Variants in LRRC75A observed in about 807,000 individuals in gnomAD.
LRRC75A encodes leucine-rich repeat-containing protein 75A.
In LRRC75A, 12 loss-of-function variants were observed where a neutral mutation model predicts 26.0. That is an observed-to-expected ratio of 0.46 (90% CI 0.30 to 0.75). The LOEUF (loss-of-function observed/expected upper bound fraction) is 0.75. Ranked by LOEUF, LRRC75A falls within the 30% of genes least tolerant of loss-of-function variation. LRRC75A has a pLI of 0.08. For missense variants in LRRC75A, 410 were observed against 486.6 expected (o/e 0.84, Z 1.48); for synonymous variants, 223 against 219.3 (o/e 1.02, Z -0.15).
chr17:16,441,594 G>A lies in LRRC75A; in HGVS notation c.*1994C>T. Reference sequence around the variant, plus strand: ...TTTTTGGGTTTTTTTTTTTTTTTTTGAGACAGTCTTGCTGTATTGCCCAGG... The same window carrying A: ...TTTTTGGGTTTTTTTTTTTTTTTTTAAGACAGTCTTGCTGTATTGCCCAGG... On this transcript the variant is annotated 3_prime_UTR_variant, in exon 4 of 4. Transcript: ENST00000470794. The A allele has an allele frequency of 3.6e-6, 1 of 281,060 alleles. No individual in the cohort carries two copies. Among genetic ancestry groups the A allele is most frequent in the African/African-American group, 3.7e-5 (1 of 26,674 alleles). The allele number at this position is 281,060 out of a possible 1,614,324, so 17.4% of individuals were successfully genotyped here.
intron 1 of LRRC75A, among the ~76,000 whole-genome samples, chr17:16,473,129 C>CTGTG (rs10640541): frequency 2.9e-3 from 435 of 149,052 alleles, no homozygotes; most frequent in African/African-American, 9.7e-3. Context: ...TGTAAGTAGT[C>CTGTG]TGTGTGTGTG....
Position 16,442,036 on chromosome 17 carries a change from T to C in LRRC75A, c.*1552A>G, listed in dbSNP as rs2093531797. The stretch of plus-strand genomic sequence containing the variant: ...GGTGTCAATTCTTGAAAATGTGTAT[T>C]TGAAGAAAAAGTAAATTTCGCCTAC... On this transcript the variant is annotated 3_prime_UTR_variant, in exon 4 of 4. Coordinates refer to ENST00000470794, the MANE Select transcript of LRRC75A (RefSeq NM_001113567.3). 1 of 152,460 alleles carries C rather than the reference T, an allele frequency of 6.6e-6. No homozygotes were observed. The highest frequency in any genetic ancestry group is 6.5e-5 in the Admixed American group (1 of 15,310). 9.4% of individuals were successfully genotyped at this position (152,460 alleles called of 1,614,324 possible).
chr17:16,469,688 TCA>T (rs2093795932), intron 1 of LRRC75A, among the ~76,000 whole-genome samples: 2 of 152,208 alleles, frequency 1.3e-5, no homozygotes, highest in Non-Finnish European at 1.5e-5. Flanking sequence ...TCTCCAACAC[TCA>T]CAACAGTGAA....
chr17:16,487,132 A>G (rs1413867330), intron 1 of LRRC75A, among the ~76,000 whole-genome samples: 1 of 152,234 alleles, frequency 6.6e-6, no homozygotes, highest in Non-Finnish European at 1.5e-5. Context: ...TAAGAGCCAC[A>G]TGGATCTCTG....
At chr17:16,450,513 CTG>C (rs1243465611) in intron 2 of LRRC75A, among the ~76,000 whole-genome samples, 1 of 151,996 alleles carries the variant, frequency 6.6e-6, no homozygotes, top group Non-Finnish European at 1.5e-5. Flanking sequence ...TGTATCACAC[CTG>C]TGTGTTACAC....
At chr17:16,489,754 C>A (rs941907021) in intron 1 of LRRC75A, among the ~76,000 whole-genome samples, 3 of 152,230 alleles carry the variant, frequency 2.0e-5, no homozygotes, top group Admixed American at 6.5e-5. Flanking sequence ...TCCAGGCCCA[C>A]GGCCCTTGCA....
chr17:16,445,157 CA>C (rs1568945775), intron 3 of LRRC75A, among the ~76,000 whole-genome samples: 6 of 91,568 alleles, frequency 6.6e-5, no homozygotes, highest in Admixed American at 2.5e-4. Flanking sequence ...CCATTTTCTG[CA>C]TTTTTTTTTT....
chr17:16,466,084 T>C (rs1242934308), intron 1 of LRRC75A, among the ~76,000 whole-genome samples: 3 of 152,244 alleles, frequency 2.0e-5, no homozygotes. Flanking sequence ...AGGATGCTTG[T>C]GCTAACTGAG....
intron 1 of LRRC75A, among the ~76,000 whole-genome samples, chr17:16,476,770 G>A (rs1294428193): frequency 7.9e-5 from 9 of 113,578 alleles, no homozygotes; most frequent in African/African-American, 2.1e-4. Context: ...ACAGAGTCTT[G>A]CTCTATCACC....
chr17:16,447,527 A>C (rs573781661), intron 3 of LRRC75A, among the ~76,000 whole-genome samples: 3 of 152,194 alleles, frequency 2.0e-5, no homozygotes, highest in African/African-American at 7.2e-5. Context: ...CGAACTCCTG[A>C]CCTCAAGTGA....
Position 16,492,136 on chromosome 17 carries a change from G to T in LRRC75A, c.-146C>A. The stretch of plus-strand genomic sequence containing the variant: ...GCGCGCGGGCGTCGCGGGGGCGGGC[G>T]GGCGGGCGGCTGTCGGCGCTCCCCG... On this transcript the variant is annotated 5_prime_UTR_variant, in exon 1 of 4. Transcript: ENST00000470794. The T allele has an allele frequency of 1.5e-6, 1 of 651,466 alleles. No individual in the cohort carries two copies. The highest frequency in any genetic ancestry group is 1.9e-6 in the Non-Finnish European group (1 of 522,958). The allele number at this position is 651,466 out of a possible 1,614,324, so 40.4% of individuals were successfully genotyped here.
intron 3 of LRRC75A, chr17:16,447,075 CTT>C: frequency 4.3e-6 from 1 of 231,744 alleles, no homozygotes; most frequent in South Asian, 3.6e-5. Flanking sequence ...TTGGCAGAGT[CTT>C]TGTGAGGGCA....
chr17:16,455,965 C>A (rs1474049501), intron 2 of LRRC75A, among the ~76,000 whole-genome samples: 2 of 152,078 alleles, frequency 1.3e-5, no homozygotes, highest in Non-Finnish European at 2.9e-5. Context: ...TCAAAGAACC[C>A]CTCCAGGGCT....
chr17:16,481,567 C>A (rs1019898715), intron 1 of LRRC75A, among the ~76,000 whole-genome samples: 2 of 152,192 alleles, frequency 1.3e-5, no homozygotes, highest in African/African-American at 4.8e-5. Flanking sequence ...ATCTTCCACA[C>A]CTGGGCCCCG....
chr17:16,492,114 CGCGGGCGTCGCGGGG>C lies in LRRC75A; in HGVS notation c.-139_-125del, dbSNP rs1044720745. ...CTGCAACTTTGGGGGAACTGTTGCG[CGCGGGCGTCGCGGGG>C]GCGGGCGGGCGGGCGGCTGTCGGCG... On this transcript the variant is annotated 5_prime_UTR_variant, in exon 1 of 4. Transcript: ENST00000470794. 1.5e-4 allele frequency: 118 copies of C among 807,688 alleles called. No individual in the cohort carries two copies. Among genetic ancestry groups the C allele is most frequent in the Middle Eastern group, 6.0e-4 (1 of 1,662 alleles). The allele number at this position is 807,688 out of a possible 1,614,324, so 50.0% of individuals were successfully genotyped here. A position where few individuals can be genotyped will look rare whatever the true frequency, so the allele number is the denominator to read the frequency against.
intron 1 of LRRC75A, among the ~76,000 whole-genome samples, chr17:16,473,156 C>T (rs559272050): frequency 5.3e-4 from 79 of 150,312 alleles, no homozygotes; most frequent in African/African-American, 1.8e-3. Flanking sequence ...TGTGTGCGCG[C>T]GCGCCCCAAG....
intron 1 of LRRC75A, among the ~76,000 whole-genome samples, chr17:16,473,138 TGTG>T: frequency 6.6e-6 from 1 of 151,884 alleles, no homozygotes; most frequent in African/African-American, 2.4e-5. Context: ...TCTGTGTGTG[TGTG>T]TGTGTGTGTG....
chr17:16,473,259 G>A (rs2093812063), intron 1 of LRRC75A, among the ~76,000 whole-genome samples: 2 of 152,034 alleles, frequency 1.3e-5, no homozygotes, highest in South Asian at 4.1e-4. Context: ...GGACTATGCA[G>A]TTAAGAGCCC....
Position 16,444,001 on chromosome 17 carries a change from C to G in LRRC75A, c.622G>C (p.Glu208Gln). 1 of 1,613,906 alleles carries G rather than the reference C, an allele frequency of 6.2e-7. No individual in the cohort carries two copies. The highest frequency in any genetic ancestry group is 8.5e-7 in the Non-Finnish European group (1 of 1,180,012). ...QRCGEQVDSV[E>Q]LGFTGLTDDM... is the part of the protein sequence containing the mutation. ...TCCGTGAGGCCTGTGAAGCCCAGCTCCACGCTGTCTACCTGCTCCCCACAG... is the reference window on the plus strand; with the variant it reads ...TCCGTGAGGCCTGTGAAGCCCAGCTGCACGCTGTCTACCTGCTCCCCACAG... Residue 208 changes from glutamate to glutamine, a missense_variant, in exon 4 of 4, where the codon GAG becomes CAG. By Grantham distance (29) the Glu-to-Gln change is conservative. Coordinates refer to ENST00000470794, the MANE Select transcript of LRRC75A (RefSeq NM_001113567.3).
Sources: gnomAD v4.1 joint callset for allele counts (sites outside exome capture counted in the v4.1 genomes callset) on GRCh38, gnomAD v4.1.1 for gene constraint, MANE v1.5 for transcripts, NCBI Gene and HGNC (gene_info 2026-07-23, HGNC 2026-07-21) for gene names.